The following TBXAS1 variants were observed in gnomAD, a reference collection of about 807,000 sequenced individuals.
TBXAS1 encodes thromboxane A synthase 1.
TBXAS1 carries 48 observed loss-of-function variants against 60.7 expected under a neutral mutation model. The observed-to-expected ratio is 0.79, with a 90% CI of 0.63 to 1.01. TBXAS1 has a LOEUF of 1.01. TBXAS1 is among the 50% of genes least tolerant of loss of function. TBXAS1 has a pLI of 0.00. For missense variants in TBXAS1, 685 were observed against 686.3 expected, an observed-to-expected ratio of 1.00 and a Z score of 0.02; for synonymous variants, 287 against 269.7, an observed-to-expected ratio of 1.06 and a Z score of -0.63.
At chr7:140,016,351 AAAAT>A (rs576448295) in intron 11 of TBXAS1, 11 of 224,598 alleles carry the variant, frequency 4.9e-5, no homozygotes, top group Non-Finnish European at 7.8e-5. Context: ...AAATTAAATA[AAAAT>A]AAATAAATAA....
At chr7:139,831,630 T>C (rs1347649655) in intron 1 of TBXAS1, among the ~76,000 whole-genome samples, 1 of 152,144 alleles carries the variant, frequency 6.6e-6, no homozygotes, top group Non-Finnish European at 1.5e-5. Context: ...ACCTAAACCC[T>C]GAGAAGGTGA....
intron 1 of TBXAS1, among the ~76,000 whole-genome samples, chr7:139,779,081 A>G (rs1343686015): frequency 6.6e-6 from 1 of 152,260 alleles, no homozygotes; most frequent in Non-Finnish European, 1.5e-5. Flanking sequence ...GATTATAGGT[A>G]CTGGACAAGT....
chr7:139,808,979 TAAAAA>T (rs11358840), intron 4 of TBXAS1, among the ~76,000 whole-genome samples: 4 of 125,858 alleles, frequency 3.2e-5, no homozygotes, highest in Non-Finnish European at 6.9e-5. Context: ...CAGGTCTTCA[TAAAAA>T]AAAAAAAAAA....
intron 6 of TBXAS1, 199 bp downstream of exon 6, chr7:139,953,655 C>T (rs968273042): frequency 1.6e-5 from 9 of 565,000 alleles, no homozygotes; most frequent in South Asian, 3.8e-5. Context: ...AGCCAGGGTA[C>T]GTGCGTCCTG....
Position 139,785,588 on chromosome 7 carries a change from A to AT in TBXAS1, c.-168-1743dup, listed in dbSNP as rs570800038. 3.5e-4 allele frequency among the ~76,000 whole-genome samples: 53 copies of AT among 151,798 alleles called. No individual in the cohort carries two copies. In the East Asian group the frequency reaches 7.2e-3, roughly 21 times the overall value. On this transcript the variant is annotated intron_variant, in intron 3 of 16. Coordinates refer to the TBXAS1 transcript ENST00000336425. ...TACCTCCTCCTTGGACTGCTGCGCT[A>AT]TTTTTTTAACAGATGTCCCTGACTC...
intron 10 of TBXAS1, among the ~76,000 whole-genome samples, chr7:140,009,226 G>C (rs1814329115): frequency 6.6e-6 from 1 of 152,248 alleles, no homozygotes; most frequent in East Asian, 1.9e-4. Context: ...GGACCAGACA[G>C]AAACTAGAGA....
intron 4 of TBXAS1, among the ~76,000 whole-genome samples, chr7:139,930,917 C>T (rs1807271601): frequency 6.6e-6 from 1 of 152,116 alleles, no homozygotes; most frequent in South Asian, 2.1e-4. Context: ...ATAATTGTGA[C>T]TGACAGGATT....
chr7:139,848,135 CTTATTTATTTATTTAT>C (rs35299952), intron 1 of TBXAS1, among the ~76,000 whole-genome samples: 43 of 150,684 alleles, frequency 2.9e-4, no homozygotes, highest in African/African-American at 9.1e-4. Context: ...TTATGTTTTA[CTTATTTATTTATTTAT>C]TTATTTATTT....
Position 139,829,426 on chromosome 7 carries a change from T to C in TBXAS1, c.36T>C (p.Asn12=). The change falls in exon 1 of 13, where the codon AAT becomes AAC. Residue 12 remains asparagine, a synonymous_variant. Transcript: ENST00000448866. ...EALGFLKLEV[N]GPMVTVALSV... Reference sequence around the variant, plus strand: ...TGGGGTTTCTAAAATTGGAAGTGAATGGCCCCATGGTGACGGTGGCCCTGT... The same window carrying C: ...TGGGGTTTCTAAAATTGGAAGTGAACGGCCCCATGGTGACGGTGGCCCTGT... 6.2e-7 allele frequency: 1 copy of C among 1,613,980 alleles called. No homozygotes were observed. The highest frequency in any genetic ancestry group is 8.5e-7 in the Non-Finnish European group (1 of 1,179,966).
At chr7:139,913,058 C>G (rs1204639207) in intron 4 of TBXAS1, 1 of 693,866 alleles carries the variant, frequency 1.4e-6, no homozygotes, top group Non-Finnish European at 2.6e-6. Flanking sequence ...TGCTCATCTT[C>G]TTCCAGCCCC....
chr7:139,847,466 T>C lies in TBXAS1; in HGVS notation c.89+17987T>C, dbSNP rs557901252. On this transcript the variant is annotated intron_variant, in intron 1 of 12. Transcript: ENST00000448866. The stretch of plus-strand genomic sequence containing the variant: ...TTCAATGATGGTGTCACTGCAAATG[T>C]TTCTTTGCAGGTTCAATTCTCTCCT... 1.1e-3 allele frequency among the ~76,000 whole-genome samples: 160 copies of C among 152,268 alleles called. 1 individual carries two copies. The highest frequency in any genetic ancestry group is 2.0e-3 in the Non-Finnish European group (134 of 68,020).
chr7:139,955,438 C>T (rs1323881458), intron 6 of TBXAS1, 21 bp from the exon 7 acceptor site: 2 of 1,613,988 alleles, frequency 1.2e-6, no homozygotes, highest in Non-Finnish European at 1.7e-6. Flanking sequence ...TTTCAGATCT[C>T]TGTGCTCCCA....
chr7:139,872,841 A>G (rs924583516), intron 2 of TBXAS1, among the ~76,000 whole-genome samples: 3 of 152,076 alleles, frequency 2.0e-5, no homozygotes, highest in African/African-American at 7.2e-5. Flanking sequence ...TCTTATCACT[A>G]TCAATATGTA....
chr7:139,800,406 C>T (rs1280640419), intron 4 of TBXAS1, among the ~76,000 whole-genome samples: 1 of 152,124 alleles, frequency 6.6e-6, no homozygotes, highest in Non-Finnish European at 1.5e-5. Context: ...GACCCTCCTC[C>T]CTGCTTTTTG....
In TBXAS1 at chr7:139,962,032, G is replaced by A. The variant is rs752812001; in HGVS notation, c.933G>A (p.Pro311=). 2.1e-5 allele frequency: 34 copies of A among 1,614,076 alleles called. No homozygotes were observed. Among genetic ancestry groups the A allele is most frequent in the Admixed American group, 5.0e-5 (3 of 60,006 alleles). The part of the protein sequence containing the change: ...RDVFSSTGCK[P]NPSRQHQPSP... ...TTTTCTCCTCTACTGGGTGCAAGCC[G>A]AACCCTTCCCGGCAACACCAGCCCA... The change falls in exon 9 of 13, where the codon CCG becomes CCA. Residue 311 remains proline (P), a synonymous_variant. Coordinates refer to ENST00000448866, the MANE Select transcript of TBXAS1 (RefSeq NM_001061.7).
chr7:139,964,337 G>A (rs1047021786), intron 9 of TBXAS1, among the ~76,000 whole-genome samples: 11 of 152,120 alleles, frequency 7.2e-5, no homozygotes, highest in South Asian at 2.1e-4. Context: ...CGCCTGCCTC[G>A]GCCTCCCAAA....
chr7:139,902,097 T>G (rs1804625065), intron 3 of TBXAS1, among the ~76,000 whole-genome samples: 1 of 151,754 alleles, frequency 6.6e-6, no homozygotes, highest in African/African-American at 2.4e-5. Flanking sequence ...TGACCCACAG[T>G]GCTTATCATA....
At chr7:139,950,037 ATTTTTTTTTTTTTTTT>A (rs3082651) in intron 5 of TBXAS1, among the ~76,000 whole-genome samples, 1 of 103,544 alleles carries the variant, frequency 9.7e-6, no homozygotes. Context: ...AGGTGATGGG[ATTTTTTTTTTTTTTTT>A]TTTTTTTTTG....
At chr7:140,005,652 CTTG>C (rs1186434338) in intron 9 of TBXAS1, among the ~76,000 whole-genome samples, 2 of 152,130 alleles carry the variant, frequency 1.3e-5, no homozygotes, top group East Asian at 1.9e-4. Flanking sequence ...CCATCCAAAC[CTTG>C]TTATTTTTTA....
Sources: allele counts gnomAD v4.1 joint callset (sites outside exome capture counted in the v4.1 genomes callset), GRCh38; gene constraint gnomAD v4.1.1; transcripts MANE v1.5; gene names NCBI Gene and HGNC (gene_info 2026-07-23, HGNC 2026-07-21).